The following SNRPN variants were observed in gnomAD, a reference collection of about 807,000 sequenced individuals.
SNRPN encodes small nuclear ribonucleoprotein-associated protein N.
In SNRPN, 7 loss-of-function variants were observed where a neutral mutation model predicts 25.2. The observed-to-expected ratio is 0.28, with a 90% confidence interval of 0.16 to 0.52. SNRPN has a LOEUF of 0.52. Ranked by LOEUF, SNRPN falls within the 20% of genes least tolerant of loss-of-function variation. The probability of loss-of-function intolerance (pLI) is 0.96; values close to 1 mark genes in which losing one functional copy is unlikely to be tolerated. For synonymous variants in SNRPN, 124 were observed against 110.6 expected, an observed-to-expected ratio of 1.12 and a Z score of -0.76; for missense variants, 196 against 322.5, an observed-to-expected ratio of 0.61 and a Z score of 3.00.
At chr15:24,969,807 T>C (rs558517597) in intron 3 of SNRPN, among the ~76,000 whole-genome samples, 1 of 152,312 alleles carries the variant, frequency 6.6e-6, no homozygotes, top group East Asian at 1.9e-4. Flanking sequence ...GAAGGGTTGG[T>C]AATATATCTG....
intron 3 of SNRPN, among the ~76,000 whole-genome samples, chr15:24,944,834 A>C (rs1001780596): frequency 6.6e-6 from 1 of 152,136 alleles, no homozygotes; most frequent in Non-Finnish European, 1.5e-5. Context: ...AGAGCAGGCT[A>C]TGGATTCAGG....
At chr15:24,973,033 G>A (rs1596321932) in intron 3 of SNRPN, among the ~76,000 whole-genome samples, 1 of 151,738 alleles carries the variant, frequency 6.6e-6, no homozygotes, top group African/African-American at 2.4e-5. Flanking sequence ...GATTACAGGC[G>A]CCTGCCACCA....
At chr15:24,838,459 T>C (rs1316557164) in intron 2 of SNRPN, among the ~76,000 whole-genome samples, 1 of 152,156 alleles carries the variant, frequency 6.6e-6, no homozygotes, top group East Asian at 1.9e-4. Flanking sequence ...ATGTTTCCCA[T>C]AGTGGCCACA....
intron 3 of SNRPN, among the ~76,000 whole-genome samples, chr15:24,970,313 C>T (rs1334699590): frequency 6.6e-6 from 1 of 152,146 alleles, no homozygotes; most frequent in Non-Finnish European, 1.5e-5. Context: ...GGTGTGGTGG[C>T]TCACGCCTGT....
At chr15:24,928,993 TAAA>T (rs1420024351) in intron 3 of SNRPN, among the ~76,000 whole-genome samples, 3 of 152,132 alleles carry the variant, frequency 2.0e-5, no homozygotes, top group Admixed American at 1.3e-4. Flanking sequence ...TCCCCACTAT[TAAA>T]TCAGCTGTGT....
chr15:24,837,912 A>G (rs112637511), intron 2 of SNRPN, among the ~76,000 whole-genome samples: 25,213 of 151,448 alleles, frequency 0.17, 2,745 homozygotes, highest in African/African-American at 0.31. Flanking sequence ...TAGTAGAGAC[A>G]GGGTTTCACC....
intron 2 of SNRPN, chr15:24,849,697 G>A (rs1296589242): frequency 2.0e-5 from 3 of 152,142 alleles, no homozygotes; most frequent in Non-Finnish European, 4.4e-5. Context: ...ATTTAGTTGG[G>A]GCCTCTCAGA....
At chr15:24,846,040 G>A (rs533417301) in intron 2 of SNRPN, among the ~76,000 whole-genome samples, 12 of 151,556 alleles carry the variant, frequency 7.9e-5, no homozygotes, top group Non-Finnish European at 1.2e-4. Flanking sequence ...AGCCAAGATC[G>A]TGCCACTGCA....
intron 3 of SNRPN, among the ~76,000 whole-genome samples, chr15:24,971,984 A>AGTGGC (rs1338494345): frequency 6.6e-6 from 1 of 152,172 alleles, no homozygotes; most frequent in African/African-American, 2.4e-5. Context: ...GGCTGGGCGC[A>AGTGGC]GTGGCTCATG....
rs568887265 is a variant in SNRPN, at chr15:24,911,097, G to A, written c.-504-8914G>A. The A allele has an allele frequency of 8.2e-5, 115 of 1,407,520 alleles. No individual in the cohort carries two copies. In the African/African-American group the frequency reaches 1.4e-3, roughly 17 times the overall value. The allele number at this position is 1,407,520 out of a possible 1,614,324, so 87.2% of individuals were successfully genotyped here. ...TTTCCTCTTCTCCTCTTCTGGAGAGGGATGAAGGAGATCCTTTGCAAGAAG... is the reference window on the plus strand; with the variant it reads ...TTTCCTCTTCTCCTCTTCTGGAGAGAGATGAAGGAGATCCTTTGCAAGAAG... On this transcript the variant is annotated intron_variant, in intron 2 of 11. Coordinates refer to the SNRPN transcript ENST00000400097.
chr15:24,911,763 C>T (rs1191457296), intron 2 of SNRPN, among the ~76,000 whole-genome samples: 1 of 152,216 alleles, frequency 6.6e-6, no homozygotes, highest in East Asian at 1.9e-4. Context: ...AGAAAGTTCC[C>T]ACTAGGGCAA....
At chr15:24,924,470 G>A (rs1439481487) in intron 3 of SNRPN, among the ~76,000 whole-genome samples, 1 of 152,034 alleles carries the variant, frequency 6.6e-6, no homozygotes, top group African/African-American at 2.4e-5. Flanking sequence ...GTTCCTTTTA[G>A]ATAATCTGTC....
At chr15:24,900,324 A>C (rs2058368661) in intron 2 of SNRPN, among the ~76,000 whole-genome samples, 1 of 152,194 alleles carries the variant, frequency 6.6e-6, no homozygotes, top group Non-Finnish European at 1.5e-5. Context: ...GATATTGTTA[A>C]ATATCAAAAC....
rs1198523579 is a variant in SNRPN, at chr15:24,955,002, C to A, written c.-451C>A. On this transcript the variant is annotated 5_prime_UTR_variant, in exon 1 of 10. Coordinates refer to ENST00000390687, the MANE Select transcript of SNRPN (RefSeq NM_003097.6). Reference sequence around the variant, plus strand: ...CGAGTCTGGCGCAGAGTGGAGCGGCCGCCGGAGATGCCTGACGCATCTGTC... The same window carrying A: ...CGAGTCTGGCGCAGAGTGGAGCGGCAGCCGGAGATGCCTGACGCATCTGTC... 7 of 1,610,962 alleles carry A rather than the reference C, an allele frequency of 4.3e-6. No individual in the cohort carries two copies. Among genetic ancestry groups the A allele is most frequent in the Admixed American group, 1.7e-5 (1 of 59,838 alleles).
intron 2 of SNRPN, among the ~76,000 whole-genome samples, chr15:24,836,449 T>TTGC (rs1485154174): frequency 6.6e-6 from 1 of 151,988 alleles, no homozygotes; most frequent in Non-Finnish European, 1.5e-5. Context: ...CTCACTTCTG[T>TTGC]TGCCCAGGCT....
chr15:24,943,781 G>C (rs1009645086), intron 3 of SNRPN, among the ~76,000 whole-genome samples: 9 of 151,946 alleles, frequency 5.9e-5, no homozygotes, highest in African/African-American at 1.9e-4. Context: ...AGACATTACT[G>C]TCTGCTACTG....
chr15:24,868,486 G>A (rs1351025382), intron 1 of SNRPN, among the ~76,000 whole-genome samples: 2 of 152,292 alleles, frequency 1.3e-5, no homozygotes, highest in African/African-American at 4.8e-5. Flanking sequence ...AATTACCCAT[G>A]TGATGTACCT....
intron 3 of SNRPN, among the ~76,000 whole-genome samples, chr15:24,969,538 T>A (rs1269801752): frequency 6.6e-6 from 1 of 152,222 alleles, no homozygotes; most frequent in Non-Finnish European, 1.5e-5. Flanking sequence ...TGGAATCTAA[T>A]CATTGTCCAA....
chr15:24,909,901 G>A (rs2059104196), intron 2 of SNRPN: 1 of 620,446 alleles, frequency 1.6e-6, no homozygotes, highest in Admixed American at 2.7e-5. Flanking sequence ...GGGAGAAGGG[G>A]AAAGCTTTTT....
Sources: gnomAD v4.1 joint callset for allele counts (sites outside exome capture counted in the v4.1 genomes callset) on GRCh38, gnomAD v4.1.1 for gene constraint, MANE v1.5 for transcripts, NCBI Gene and HGNC (gene_info 2026-07-23, HGNC 2026-07-21) for gene names.